Variants in UBE2Z observed in about 807,000 individuals in gnomAD.
The protein encoded by UBE2Z is ubiquitin conjugating enzyme E2 Z, also known as ubiquitin-conjugating enzyme E2 Z.
In UBE2Z, 10 loss-of-function variants were observed where a neutral mutation model predicts 32.6. That is an observed-to-expected ratio of 0.31 (90% confidence interval 0.19 to 0.52). The LOEUF is 0.52. Among genes scored for constraint, UBE2Z ranks in the 20% least tolerant of loss-of-function variants. The pLI, the probability that UBE2Z is intolerant of heterozygous loss-of-function variation, is 0.97. For missense variants in UBE2Z, 343 were observed against 480.9 expected, an observed-to-expected ratio of 0.71 and a Z score of 2.68; for synonymous variants, 183 against 190.8, an observed-to-expected ratio of 0.96 and a Z score of 0.34.
intron 5 of UBE2Z, 62 bp from the exon 6 acceptor site, chr17:48,922,785 G>A (rs928958287): frequency 7.3e-7 from 1 of 1,377,606 alleles, no homozygotes; most frequent in Non-Finnish European, 1.0e-6. Flanking sequence ...AAAAGGTTAG[G>A]TAAGGAAGGG....
At chr17:48,922,727 A>G (rs370434983) in intron 5 of UBE2Z, 120 bp from the exon 6 acceptor site, 2 of 630,374 alleles carry the variant, frequency 3.2e-6, no homozygotes, top group East Asian at 3.1e-5. Flanking sequence ...AGGTTGCACC[A>G]CTGCACTCCA....
intron 4 of UBE2Z, among the ~76,000 whole-genome samples, chr17:48,919,117 A>T (rs1362684933): frequency 2.0e-5 from 3 of 150,052 alleles, no homozygotes; most frequent in African/African-American, 7.4e-5. Flanking sequence ...TTTATTTTTT[A>T]TTTATTTACA....
rs2040646846 is a variant in UBE2Z, at chr17:48,908,580, GTGT to G, written c.83_85del (p.Val28del). ...GGCCCCGGGGCGAGCAGCGTTGCTGGTGTTGTTGGCGTTAGCGGCAGCGGCGGC... is the reference window on the plus strand; with the variant it reads ...GGCCCCGGGGCGAGCAGCGTTGCTGGTGTTGGCGTTAGCGGCAGCGGCGGC... On this transcript the variant is annotated inframe_deletion, in exon 1 of 7. Transcript: ENST00000360943. 8.9e-6 allele frequency: 11 copies of G among 1,240,674 alleles called. No homozygotes were observed. Among genetic ancestry groups the G allele is most frequent in the Middle Eastern group, 3.0e-4 (1 of 3,306 alleles). The allele number at this position is 1,240,674 out of a possible 1,614,324, so 76.9% of individuals were successfully genotyped here. A position where few individuals can be genotyped will look rare whatever the true frequency, so the allele number is the denominator to read the frequency against.
intron 2 of UBE2Z, chr17:48,911,152 C>G (rs920600639): frequency 9.1e-6 from 4 of 440,178 alleles, no homozygotes; most frequent in African/African-American, 5.9e-5. Flanking sequence ...ATAGGGCATT[C>G]TTTCACTCTC....
intron 6 of UBE2Z, among the ~76,000 whole-genome samples, chr17:48,924,578 G>A (rs2040784177): frequency 6.7e-6 from 1 of 149,994 alleles, no homozygotes; most frequent in Non-Finnish European, 1.5e-5. Context: ...AGGTGCGGTG[G>A]CTTATGCCTA....
chr17:48,926,936 T>G, intron 6 of UBE2Z, 28 bp from the exon 7 acceptor site: 1 of 1,601,324 alleles, frequency 6.2e-7, no homozygotes, highest in Non-Finnish European at 8.5e-7. Context: ...ACTTGAATCT[T>G]CCATCCCCTT....
Position 48,928,367 on chromosome 17 carries a change from T to G in UBE2Z, c.*1233T>G, listed in dbSNP as rs567930192. 5.2e-5 allele frequency: 8 copies of G among 152,770 alleles called. No individual in the cohort carries two copies. The highest frequency in any genetic ancestry group is 1.9e-4 in the East Asian group (1 of 5,186). The allele number at this position is 152,770 out of a possible 1,614,324, so 9.5% of individuals were successfully genotyped here. ...AAAAAAAAATGTGCTTTAGGTGCCC[T>G]GTAATCCTGGGCATCAAGGGAATCC... On this transcript the variant is annotated 3_prime_UTR_variant, in exon 7 of 7. Transcript: ENST00000360943.
chr17:48,909,443 T>C (rs1360773758), intron 1 of UBE2Z, among the ~76,000 whole-genome samples: 2 of 151,830 alleles, frequency 1.3e-5, no homozygotes, highest in Admixed American at 6.6e-5. Flanking sequence ...TGTCCACTCT[T>C]ACGCCTCTTC....
intron 3 of UBE2Z, among the ~76,000 whole-genome samples, chr17:48,913,766 G>T (rs1206928782): frequency 1.3e-5 from 2 of 152,212 alleles, no homozygotes; most frequent in African/African-American, 2.4e-5. Flanking sequence ...GTTGAGAAAG[G>T]CTGCAGGTCT....
Position 48,908,534 on chromosome 17 carries a change from A to G in UBE2Z, c.31A>G (p.Thr11Ala), listed in dbSNP as rs762169439. MAESPTEEAA[T>A]AGAGAAGPGA... ...GGAGAGTCCGACTGAGGAGGCGGCAACGGCGGGCGCCGGGGCGGCGGGCCC... is the reference window on the plus strand; with the variant it reads ...GGAGAGTCCGACTGAGGAGGCGGCAGCGGCGGGCGCCGGGGCGGCGGGCCC... Residue 11 changes from threonine (T) to alanine (A), a missense_variant, in exon 1 of 7, where the codon ACG becomes GCG. By Grantham distance (58) the Thr-to-Ala change is moderately conservative. This residue lies in a region of UBE2Z where 103 missense variants were observed against 96.2 expected (regional missense o/e 1.07). Coordinates refer to ENST00000360943, the MANE Select transcript of UBE2Z (RefSeq NM_023079.5). 360 of 1,235,118 alleles carry G rather than the reference A, an allele frequency of 2.9e-4. 1 individual carries two copies. The highest frequency in any genetic ancestry group is 6.9e-5 in the Non-Finnish European group (68 of 988,266). The allele number at this position is 1,235,118 out of a possible 1,614,324, so 76.5% of individuals were successfully genotyped here.
chr17:48,911,090 T>C (rs2040673493), intron 2 of UBE2Z: 1 of 541,244 alleles, frequency 1.8e-6, no homozygotes, highest in South Asian at 2.4e-5. Flanking sequence ...CCATAGGTAC[T>C]GATTGGCTTG....
chr17:48,921,121 C>T (rs1187032401), intron 4 of UBE2Z, 39 bp from the exon 5 acceptor site: 2 of 1,551,842 alleles, frequency 1.3e-6, no homozygotes, highest in Admixed American at 1.9e-5. Context: ...TTTCTTTTTG[C>T]TTAATTTTTG....
chr17:48,908,864 C>T, intron 1 of UBE2Z, 44 bp downstream of exon 1: 2 of 1,330,930 alleles, frequency 1.5e-6, no homozygotes, highest in Admixed American at 2.8e-5. Context: ...CTCCGGGGCT[C>T]GACCTTCCCC....
chr17:48,908,831 GT>G lies in UBE2Z; in HGVS notation c.317+16del. 4.0e-6 allele frequency: 6 copies of G among 1,487,748 alleles called. No individual in the cohort carries two copies. Among genetic ancestry groups the G allele is most frequent in the East Asian group, 2.9e-5 (1 of 34,950 alleles). The allele number at this position is 1,487,748 out of a possible 1,614,324, so 92.2% of individuals were successfully genotyped here. A position where few individuals can be genotyped will look rare whatever the true frequency, so the allele number is the denominator to read the frequency against. On this transcript the variant is annotated intron_variant, in intron 1 of 6. Coordinates refer to ENST00000360943, the MANE Select transcript of UBE2Z (RefSeq NM_023079.5). The stretch of plus-strand genomic sequence containing the variant: ...ACTCCGGATCAAGCGGTGAGCCGGG[GT>G]TTTTCCTCCCCCAGCCCCGAGCTCC...
intron 6 of UBE2Z, 38 bp downstream of exon 6, chr17:48,922,975 A>C: frequency 6.4e-7 from 1 of 1,565,026 alleles, no homozygotes; most frequent in Non-Finnish European, 8.7e-7. Flanking sequence ...GAAGCCCTAC[A>C]GCTGGCCATG....
intron 1 of UBE2Z, 63 bp downstream of exon 1, chr17:48,908,883 C>A (rs1215836134): frequency 6.3e-6 from 7 of 1,103,332 alleles, no homozygotes; most frequent in Middle Eastern, 3.8e-4. Flanking sequence ...CCGCCCCCCA[C>A]CCTCTCCCAC....
intron 4 of UBE2Z, among the ~76,000 whole-genome samples, chr17:48,917,103 G>A (rs1029212230): frequency 6.6e-6 from 1 of 152,072 alleles, no homozygotes; most frequent in African/African-American, 2.4e-5. Context: ...TCAGAAGTTT[G>A]AGATCATCCT....
chr17:48,925,288 AAAAAAAAAAAG>A (rs1339464312), intron 6 of UBE2Z, among the ~76,000 whole-genome samples: 2 of 151,850 alleles, frequency 1.3e-5, no homozygotes, highest in East Asian at 1.9e-4. Flanking sequence ...CCTCAAAAAA[AAAAAAAAAAAG>A]AAAGAAAAAG....
At chr17:48,909,049 C>T (rs1218283322) in intron 1 of UBE2Z, 1 of 250,256 alleles carries the variant, frequency 4.0e-6, no homozygotes, top group African/African-American at 2.3e-5. Flanking sequence ...GATCCGACCC[C>T]GCCCCTCGAC....
Sources: gnomAD v4.1 joint callset for allele counts (sites outside exome capture counted in the v4.1 genomes callset) on GRCh38, gnomAD v4.1.1 for gene constraint, gnomAD v4.1.1 regional missense constraint, MANE v1.5 for transcripts, NCBI Gene and HGNC (gene_info 2026-07-23, HGNC 2026-07-21) for gene names.